The following ZNF516 variants were observed in gnomAD, a reference collection of about 807,000 sequenced individuals.
ZNF516 encodes the protein zinc finger protein 516.
In ZNF516, 19 loss-of-function variants were observed where a neutral mutation model predicts 79.7. The ratio of observed to expected loss-of-function variants is 0.24; its 90% CI spans 0.17 to 0.35. The LOEUF (loss-of-function observed/expected upper bound fraction) is 0.35, where lower values mean the gene tolerates loss of function less well. Among genes scored for constraint, ZNF516 ranks in the 10% least tolerant of loss-of-function variants. The pLI is 1.00. For missense variants in ZNF516, 1,678 were observed against 1,679.5 expected (o/e 1.00, Z 0.02); for synonymous variants, 877 against 739.5 (o/e 1.19, Z -3.02).
intron 6 of ZNF516, 147 bp from the exon 7 acceptor site, chr18:76,362,704 C>T (rs375078978): frequency 1.4e-6 from 1 of 692,652 alleles, no homozygotes; most frequent in Non-Finnish European, 2.5e-6. Flanking sequence ...GGCGAAGACC[C>T]CCTGACCTGA....
Position 76,442,149 on chromosome 18 carries a change from C to G in ZNF516, c.906G>C (p.Thr302=). 1 of 1,613,966 alleles carries G rather than the reference C, an allele frequency of 6.2e-7. No homozygotes were observed. Among genetic ancestry groups the G allele is most frequent in the Non-Finnish European group, 8.5e-7 (1 of 1,179,896 alleles). The change falls in exon 3 of 7, where the codon ACG becomes ACC. Residue 302 remains threonine (T), a synonymous_variant. Transcript: ENST00000443185. ...CACTCTTGGGCCTGTTCTTGCTGCC[C>G]GTCTTGGGGCCGTGCGCCTTCATGT... ...KNHMKAHGPK[T]GSKNRPKSEL...
At chr18:76,476,010 T>C (rs769053882) in intron 1 of ZNF516, among the ~76,000 whole-genome samples, 4 of 152,184 alleles carry the variant, frequency 2.6e-5, no homozygotes, top group Non-Finnish European at 4.4e-5. Flanking sequence ...CACTTTTTCC[T>C]CAAAATGCAA....
Position 76,441,347 on chromosome 18 carries a change from T to G in ZNF516, c.1708A>C (p.Ser570Arg). ...GCAGCGGCACAGGCGGAGCCAGGGC[T>G]GCTGGGCTGGGAGGCCGAGTCACCC... ...SEGDSASQPS[S>R]PGSACAAADS... The change falls in exon 3 of 7, where the codon AGC becomes CGC. Residue 570 changes from serine to arginine, a missense_variant. By Grantham distance (110) the Ser-to-Arg change is moderately radical (BLOSUM62 -1). This residue lies in a region of ZNF516 where 1,294 missense variants were observed against 1,248.3 expected (regional missense o/e 1.04). Transcript: ENST00000443185. 6.2e-7 allele frequency: 1 copy of G among 1,611,612 alleles called. No individual in the cohort carries two copies.
chr18:76,476,892 A>C (rs1914206476), intron 1 of ZNF516, among the ~76,000 whole-genome samples: 1 of 152,180 alleles, frequency 6.6e-6, no homozygotes, highest in Non-Finnish European at 1.5e-5. Context: ...CGGAGGCTTA[A>C]ATCACTTTCA....
At position 76,447,395 on chromosome 18, in the gene ZNF516, C is replaced by T. The variant is rs879639302; in HGVS notation, c.-157-4184G>A. ...TGGGGCGTGCCTCACGTAGGAGCAG[C>T]GCCGTGTGATAAAGTGCTACCTACC... is the stretch of plus-strand genomic sequence containing the variant. On this transcript the variant is annotated intron_variant, in intron 2 of 6. Coordinates refer to ENST00000443185, the MANE Select transcript of ZNF516 (RefSeq NM_014643.4). 9.2e-5 allele frequency among the ~76,000 whole-genome samples: 14 copies of T among 152,340 alleles called. No homozygotes were observed. In the South Asian group the frequency reaches 2.9e-3, roughly 32 times the overall value.
At chr18:76,421,341 G>A (rs1021088162) in intron 3 of ZNF516, among the ~76,000 whole-genome samples, 10 of 152,172 alleles carry the variant, frequency 6.6e-5, no homozygotes, top group Admixed American at 2.6e-4. Context: ...GAGGTATGGC[G>A]GGCTAGGCCT....
intron 4 of ZNF516, 132 bp downstream of exon 4, chr18:76,378,723 C>A: frequency 1.5e-6 from 2 of 1,335,164 alleles, no homozygotes; most frequent in Non-Finnish European, 2.0e-6. Flanking sequence ...GCTCTCAGCT[C>A]AGCAGTGGGA....
chr18:76,485,244 T>C (rs1427929530), intron 1 of ZNF516, among the ~76,000 whole-genome samples: 1 of 152,212 alleles, frequency 6.6e-6, no homozygotes, highest in Admixed American at 6.5e-5. Flanking sequence ...CTAATGGTCA[T>C]GCTAAAGACA....
intron 3 of ZNF516, among the ~76,000 whole-genome samples, chr18:76,396,019 A>G (rs758527982): frequency 3.3e-5 from 5 of 152,182 alleles, no homozygotes; most frequent in Non-Finnish European, 7.3e-5. Context: ...CTGAAGTATG[A>G]GATTTCATTA....
intron 1 of ZNF516, among the ~76,000 whole-genome samples, chr18:76,469,566 G>C (rs933527089): frequency 6.6e-6 from 1 of 152,098 alleles, no homozygotes; most frequent in Non-Finnish European, 1.5e-5. Flanking sequence ...TAAGGGAGGA[G>C]ACTCACTTTT....
chr18:76,487,915 C>A, intron 1 of ZNF516: 1 of 985,336 alleles, frequency 1.0e-6, no homozygotes, highest in Non-Finnish European at 1.2e-6. Context: ...ATGAGAGCCC[C>A]CAGGAGGGGA....
At chr18:76,366,123 C>A (rs950261834) in intron 6 of ZNF516, among the ~76,000 whole-genome samples, 19 of 152,206 alleles carry the variant, frequency 1.2e-4, no homozygotes, top group African/African-American at 3.9e-4. Flanking sequence ...CTTTATTTCT[C>A]TTCAAGCTTC....
At chr18:76,365,951 C>T (rs1050252533) in intron 6 of ZNF516, among the ~76,000 whole-genome samples, 3 of 152,188 alleles carry the variant, frequency 2.0e-5, no homozygotes, top group African/African-American at 4.8e-5. Context: ...TCCACCCTTA[C>T]CACCTACCAA....
rs188490473 is a variant in ZNF516 at position 76,371,751 on chromosome 18, A to G, written c.3260-180T>C. ...CAGCCTTCATCTCGGCTCTGCTGAC[A>G]GGCCAGGCACTCTCAGGACTGCAAG... On this transcript the variant is annotated intron_variant, in intron 4 of 6. Transcript: ENST00000443185. 4.7e-3 allele frequency among the ~76,000 whole-genome samples: 721 copies of G among 152,268 alleles called. 5 individuals are homozygous for G. Among genetic ancestry groups the G allele is most frequent in the African/African-American group, 0.017 (692 of 41,548 alleles).
Position 76,370,569 on chromosome 18 carries a change from C to T in ZNF516, c.3391G>A (p.Gly1131Ser). Residue 1131 changes from glycine to serine, a missense_variant, in exon 6 of 7, where the codon GGT becomes AGT. Around this residue, in one of 5 missense-constraint regions of ZNF516, gnomAD observed 1,294 missense variants for 1,248.3 expected, o/e 1.04. Transcript: ENST00000443185. Reference protein sequence around the residue: ...SVVFESDGPRGSEVHTTSADA... With the variant: ...SVVFESDGPRSSEVHTTSADA... The stretch of plus-strand genomic sequence containing the variant: ...GCGGAGGTGGTATGAACTTCAGAAC[C>T]CCGAGGCCCATCGGACTCAAACACC... 1.9e-6 allele frequency: 3 copies of T among 1,607,202 alleles called. No individual in the cohort carries two copies. Among genetic ancestry groups the T allele is most frequent in the Non-Finnish European group, 2.5e-6 (3 of 1,176,656 alleles).
chr18:76,496,091 TAATTTGACTCC>T (rs1915469191), upstream of ZNF516, among the ~76,000 whole-genome samples: 1 of 150,624 alleles, frequency 6.6e-6, no homozygotes, highest in South Asian at 2.1e-4. Context: ...CTAGAAATCC[TAATTTGACTCC>T]AAAACGCTCT....
rs1254181465 is a variant in ZNF516 at position 76,495,230 on chromosome 18, C to T, written c.-358G>A. ...AAGCCGAGCGCCCGCGGCGCGGAGC[C>T]GAGCGCTGCACTAGACCGACCGCGC... On this transcript the variant is annotated 5_prime_UTR_variant, in exon 1 of 7. Transcript: ENST00000443185. 1 of 147,286 alleles carries T rather than the reference C, an allele frequency of 6.8e-6. No individual in the cohort carries two copies. Among genetic ancestry groups the T allele is most frequent in the African/African-American group, 2.5e-5 (1 of 40,752 alleles). The allele number at this position is 147,286 out of a possible 1,614,324, so 9.1% of individuals were successfully genotyped here.
Position 76,441,596 on chromosome 18 carries a change from G to T in ZNF516, c.1459C>A (p.Pro487Thr). 1 of 1,439,394 alleles carries T rather than the reference G, an allele frequency of 6.9e-7. No individual in the cohort carries two copies. The highest frequency in any genetic ancestry group is 9.1e-7 in the Non-Finnish European group (1 of 1,100,896). 89.2% of individuals were successfully genotyped at this position (1,439,394 alleles called of 1,614,324 possible). Residue 487 changes from proline to threonine, a missense_variant, in exon 3 of 7, where the codon CCC becomes ACC. Around this residue, in one of 5 missense-constraint regions of ZNF516, gnomAD observed 1,294 missense variants for 1,248.3 expected, o/e 1.04. Coordinates refer to ENST00000443185, the MANE Select transcript of ZNF516 (RefSeq NM_014643.4). ...GGATCGAGGTGGCCGGCGGGCGCGG[G>T]GTCCCCAGGCCCGCTCGCGCGCTTC... is the stretch of plus-strand genomic sequence containing the variant. ...PRKRASGPGD[P>T]APAGHLDPRS...
chr18:76,404,499 ATG>A (rs10574490), intron 3 of ZNF516, among the ~76,000 whole-genome samples: 4,299 of 152,252 alleles, frequency 0.028, 189 homozygotes, highest in African/African-American at 0.097. Context: ...GCATGTGTGC[ATG>A]TGTGTGCATG....
Sources: allele counts gnomAD v4.1 joint callset (sites outside exome capture counted in the v4.1 genomes callset), GRCh38; gene constraint gnomAD v4.1.1; regional missense constraint gnomAD v4.1.1; transcripts MANE v1.5; gene names NCBI Gene and HGNC (gene_info 2026-07-23, HGNC 2026-07-21).